Variants in CEP128 observed in about 807,000 individuals in gnomAD.
The protein encoded by CEP128 is centrosomal protein 128kDa.
In CEP128, 132 loss-of-function variants were observed where a neutral mutation model predicts 156.7. The observed-to-expected ratio is 0.84, with a 90% CI of 0.73 to 0.97. The LOEUF (loss-of-function observed/expected upper bound fraction) is 0.97, where lower values mean the gene tolerates loss of function less well. CEP128 is among the 50% of genes least tolerant of loss of function. The probability of loss-of-function intolerance (pLI) is 0.00; values close to 1 mark genes in which losing one functional copy is unlikely to be tolerated. For synonymous variants in CEP128, 469 were observed against 448.9 expected, an observed-to-expected ratio of 1.04 and a Z score of -0.57; for missense variants, 1,252 against 1,281.9, an observed-to-expected ratio of 0.98 and a Z score of 0.36.
intron 19 of CEP128, among the ~76,000 whole-genome samples, chr14:80,642,555 T>A (rs530558552): frequency 6.6e-6 from 1 of 152,120 alleles, no homozygotes; most frequent in Admixed American, 6.5e-5. Context: ...TAGGGGTGCA[T>A]GCTTGTGGTC....
intron 13 of CEP128, among the ~76,000 whole-genome samples, chr14:80,806,062 T>C (rs1405415934): frequency 6.6e-6 from 1 of 152,196 alleles, no homozygotes; most frequent in East Asian, 1.9e-4. Context: ...TCCTTTAAAA[T>C]ATAGCCTACT....
chr14:80,733,826 C>G (rs1186753284), intron 19 of CEP128, among the ~76,000 whole-genome samples: 1 of 152,092 alleles, frequency 6.6e-6, no homozygotes, highest in Non-Finnish European at 1.5e-5. Flanking sequence ...AAAGAATAAT[C>G]AAACTTCAAA....
At chr14:80,881,992 T>C (rs888949655) in intron 8 of CEP128, among the ~76,000 whole-genome samples, 1 of 152,078 alleles carries the variant, frequency 6.6e-6, no homozygotes, top group Non-Finnish European at 1.5e-5. Context: ...TTACTCAACA[T>C]AGCACTAGAA....
At chr14:80,782,417 C>T (rs1413512207) in intron 15 of CEP128, among the ~76,000 whole-genome samples, 1 of 152,154 alleles carries the variant, frequency 6.6e-6, no homozygotes, top group Non-Finnish European at 1.5e-5. Context: ...TTCCTTTGCC[C>T]ACAATCTTTG....
chr14:80,842,217 G>T (rs1214856419), intron 9 of CEP128, among the ~76,000 whole-genome samples: 1 of 151,830 alleles, frequency 6.6e-6, no homozygotes, highest in Admixed American at 6.6e-5. Context: ...GTATATGTAA[G>T]TCTTAAGAAA....
At chr14:80,944,454 T>A (rs1886278995), upstream of CEP128, among the ~76,000 whole-genome samples, 1 of 152,204 alleles carries the variant, frequency 6.6e-6, no homozygotes, top group Admixed American at 6.5e-5. Flanking sequence ...AAGAAGGATG[T>A]GTTTGCTACC....
chr14:80,830,908 G>A, intron 13 of CEP128: 2 of 434,004 alleles, frequency 4.6e-6, no homozygotes, highest in South Asian at 3.6e-5. Flanking sequence ...GGATTTCTCT[G>A]TAAAATAATA....
intron 19 of CEP128, among the ~76,000 whole-genome samples, chr14:80,616,525 T>G (rs1400143708): frequency 1.1e-5 from 1 of 90,730 alleles, no homozygotes; most frequent in East Asian, 3.6e-4. Context: ...CAAATTCAAC[T>G]GTTTTTTTTG....
At chr14:80,675,728 ATTTAAT>A (rs754788886) in intron 19 of CEP128, among the ~76,000 whole-genome samples, 61 of 152,230 alleles carry the variant, frequency 4.0e-4, no homozygotes, top group South Asian at 8.3e-4. Flanking sequence ...GAACAGAAAT[ATTTAAT>A]TTTAAGATAG....
chr14:80,550,545 G>C (rs753779288), intron 21 of CEP128, among the ~76,000 whole-genome samples: 2 of 151,594 alleles, frequency 1.3e-5, no homozygotes, highest in East Asian at 1.9e-4. Flanking sequence ...TATGACCCTC[G>C]TTAAAAGACA....
chr14:80,517,481 C>T (rs1053536588), intron 23 of CEP128, among the ~76,000 whole-genome samples: 2 of 151,938 alleles, frequency 1.3e-5, no homozygotes, highest in Non-Finnish European at 1.5e-5. Context: ...CTTGACATAT[C>T]CATGGATTAT....
intron 19 of CEP128, among the ~76,000 whole-genome samples, chr14:80,617,932 T>C (rs1223518588): frequency 6.6e-6 from 1 of 152,234 alleles, no homozygotes; most frequent in Non-Finnish European, 1.5e-5. Context: ...TTAATAACCA[T>C]GTAAGTTAGG....
intron 19 of CEP128, among the ~76,000 whole-genome samples, chr14:80,618,309 C>T (rs950323737): frequency 5.3e-5 from 8 of 152,182 alleles, no homozygotes; most frequent in Non-Finnish European, 8.8e-5. Flanking sequence ...CAGAGAGCTA[C>T]ACATCGTTCT....
intron 14 of CEP128, among the ~76,000 whole-genome samples, chr14:80,478,796 A>C (rs1163913802): frequency 6.6e-6 from 1 of 152,234 alleles, no homozygotes; most frequent in Non-Finnish European, 1.5e-5. Flanking sequence ...GCTTATAACA[A>C]TATATCTCTT....
chr14:80,815,259 C>T lies in CEP128; in HGVS notation c.1209+15884G>A, dbSNP rs531549798. Among the ~76,000 whole-genome samples the T allele has an allele frequency of 7.2e-5, 11 of 152,206 alleles. 1 individual carries two copies. The South Asian group carries it at 1.9e-3, about 26-fold the overall frequency. ...AGTTCATTAAAAAGTGGACAAAGAA[C>T]AAGAACAATCATTTTTCAAAAGAAG... is the stretch of plus-strand genomic sequence containing the variant. On this transcript the variant is annotated intron_variant, in intron 13 of 24. Coordinates refer to ENST00000555265, the MANE Select transcript of CEP128 (RefSeq NM_152446.5).
At chr14:80,946,453 GA>G (rs1886347172), upstream of CEP128, among the ~76,000 whole-genome samples, 1 of 151,576 alleles carries the variant, frequency 6.6e-6, no homozygotes, top group Admixed American at 6.6e-5. Context: ...CCTTGACTAA[GA>G]TTATACTAAT....
At chr14:80,576,624 C>CGTGTGTGTGTGTGTGT (rs753148123) in intron 20 of CEP128, among the ~76,000 whole-genome samples, 1 of 112,740 alleles carries the variant, frequency 8.9e-6, no homozygotes, top group Admixed American at 8.5e-5. Flanking sequence ...ATTACTCCGG[C>CGTGTGTGTGTGTGTGT]GTGTGTGTGT....
At chr14:80,811,509 C>T (rs1884530854) in intron 13 of CEP128, among the ~76,000 whole-genome samples, 1 of 152,080 alleles carries the variant, frequency 6.6e-6, no homozygotes, top group Non-Finnish European at 1.5e-5. Context: ...GTTTCTCTAA[C>T]TAATGGATGT....
At chr14:80,724,684 C>T (rs1897944602) in intron 19 of CEP128, among the ~76,000 whole-genome samples, 1 of 151,878 alleles carries the variant, frequency 6.6e-6, no homozygotes, top group African/African-American at 2.4e-5. Context: ...GTAGGACTTG[C>T]TACTGATTTC....
Sources: allele counts gnomAD v4.1 joint callset (sites outside exome capture counted in the v4.1 genomes callset), GRCh38; gene constraint gnomAD v4.1.1; transcripts MANE v1.5; gene names NCBI Gene and HGNC (gene_info 2026-07-23, HGNC 2026-07-21).